Variants in DLAT observed in about 807,000 individuals in gnomAD.
DLAT encodes the protein dihydrolipoamide S-acetyltransferase, also known as dihydrolipoyllysine-residue acetyltransferase component of pyruvate dehydrogenase complex, mitochondrial.
A neutral mutation model predicts 68.0 loss-of-function variants in DLAT; 43 were observed. The observed-to-expected ratio is 0.63, with a 90% CI of 0.50 to 0.81. The LOEUF (loss-of-function observed/expected upper bound fraction) is 0.81. DLAT is among the 40% of genes least tolerant of loss of function. DLAT has a pLI of 0.00. For synonymous variants in DLAT, 265 were observed against 288.6 expected (o/e 0.92, Z 0.83); for missense variants, 745 against 815.4 (o/e 0.91, Z 1.05).
In DLAT at chr11:112,064,150, CA is replaced by C; in HGVS notation, c.*1618del. On this transcript the variant is annotated 3_prime_UTR_variant, in exon 14 of 14. Coordinates refer to ENST00000280346, the MANE Select transcript of DLAT (RefSeq NM_001931.5). ...ACAAGGGACCATCATCAATATGATC[CA>C]AATCTGGTTCAAACATTCAAAACTT... The C allele has an allele frequency of 6.5e-7, 1 of 1,547,982 alleles. No individual in the cohort carries two copies. Among genetic ancestry groups the C allele is most frequent in the Non-Finnish European group, 8.7e-7 (1 of 1,145,010 alleles).
intron 5 of DLAT, among the ~76,000 whole-genome samples, chr11:112,035,502 T>G (rs1196767338): frequency 3.3e-5 from 5 of 151,426 alleles, no homozygotes; most frequent in Non-Finnish European, 7.4e-5. Flanking sequence ...TTTTTTTTTT[T>G]TTTGGAAACA....
At chr11:112,036,208 T>G (rs1295745946) in intron 5 of DLAT, among the ~76,000 whole-genome samples, 87 of 49,210 alleles carry the variant, frequency 1.8e-3, no homozygotes, top group African/African-American at 4.3e-3. Flanking sequence ...TGTGTTTTTT[T>G]TTTTTTTTTT....
chr11:112,042,768 C>T (rs868988657), intron 7 of DLAT, among the ~76,000 whole-genome samples: 19 of 152,322 alleles, frequency 1.2e-4, no homozygotes, highest in South Asian at 8.3e-4. Flanking sequence ...GATCCTTCCT[C>T]ATGTGTGACA....
At chr11:112,027,594 C>T (rs1359297670) in intron 2 of DLAT, among the ~76,000 whole-genome samples, 5 of 152,156 alleles carry the variant, frequency 3.3e-5, no homozygotes, top group Admixed American at 6.5e-5. Context: ...CGCCACTGCA[C>T]TCCAGCCTGG....
intron 11 of DLAT, among the ~76,000 whole-genome samples, chr11:112,055,847 ACTTTTTTTTTTT>A (rs1250737394): frequency 1.6e-4 from 8 of 49,694 alleles, no homozygotes; most frequent in African/African-American, 5.6e-4. Context: ...GCATATAGAC[ACTTTTTTTTTTT>A]TTTTTTTTTT....
At chr11:112,062,318 A>G (rs1398579241) in intron 13 of DLAT, 88 bp from the exon 14 acceptor site, 1 of 1,410,294 alleles carries the variant, frequency 7.1e-7, no homozygotes, top group African/African-American at 1.4e-5. Flanking sequence ...GGTTGGGATT[A>G]TAGGGTAGGA....
In DLAT at chr11:112,030,053, T is replaced by G. The variant is rs1274804699; in HGVS notation, c.660+1108T>G. ...TTGCCGTGGAAAGCAGGCCTGGAGC[T>G]GAGTGTCTAAGTTTAAAATTTTCGT... On this transcript the variant is annotated intron_variant, in intron 4 of 13. Coordinates refer to ENST00000280346, the MANE Select transcript of DLAT (RefSeq NM_001931.5). 6.2e-6 allele frequency: 6 copies of G among 961,720 alleles called. No individual in the cohort carries two copies. In the African/African-American group the frequency reaches 9.8e-5, roughly 16 times the overall value. The allele number at this position is 961,720 out of a possible 1,614,324, so 59.6% of individuals were successfully genotyped here. A position where few individuals can be genotyped will look rare whatever the true frequency, so the allele number is the denominator to read the frequency against.
At chr11:112,043,427 G>A in intron 7 of DLAT, 39 bp from the exon 8 acceptor site, 2 of 1,577,866 alleles carry the variant, frequency 1.3e-6, no homozygotes, top group Non-Finnish European at 1.7e-6. Flanking sequence ...GGGAACCAAT[G>A]GTATGTCATC....
chr11:112,045,321 C>CT, intron 9 of DLAT, 91 bp downstream of exon 9: 1 of 1,081,150 alleles, frequency 9.2e-7, no homozygotes, highest in Non-Finnish European at 1.4e-6. Context: ...TTAACAGAGG[C>CT]TTTTTAAGTT....
chr11:112,044,080 C>T (rs1238584964), intron 8 of DLAT, among the ~76,000 whole-genome samples: 1 of 152,180 alleles, frequency 6.6e-6, no homozygotes, highest in Non-Finnish European at 1.5e-5. Flanking sequence ...ATGTATTCCA[C>T]ATTATGTTTT....
At chr11:112,043,356 A>G in intron 7 of DLAT, 110 bp from the exon 8 acceptor site, 1 of 991,344 alleles carries the variant, frequency 1.0e-6, no homozygotes, top group South Asian at 1.3e-5. Context: ...ACCTTTCAGA[A>G]TGTTTTTGGT....
At chr11:112,030,108 A>C in intron 4 of DLAT, 2 of 773,250 alleles carry the variant, frequency 2.6e-6, no homozygotes, top group Admixed American at 3.6e-5. Flanking sequence ...AATACTGGCG[A>C]CTCCAGTACC....
chr11:112,059,050 G>GT (rs1379861866), intron 11 of DLAT, among the ~76,000 whole-genome samples: 1 of 148,402 alleles, frequency 6.7e-6, no homozygotes, highest in East Asian at 2.0e-4. Context: ...CTGATATTGT[G>GT]TAAAAAAAAA....
At chr11:112,030,230 G>C in intron 4 of DLAT, 1 of 582,314 alleles carries the variant, frequency 1.7e-6, no homozygotes, top group South Asian at 1.4e-5. Flanking sequence ...CTCTAGTGCA[G>C]AACTACCCAA....
At chr11:112,054,189 G>T (rs1208292374) in intron 11 of DLAT, among the ~76,000 whole-genome samples, 1 of 151,964 alleles carries the variant, frequency 6.6e-6, no homozygotes, top group Middle Eastern at 3.4e-3. Context: ...GGTGGTGCGC[G>T]CCTGTAGTCC....
chr11:112,050,119 TGA>T, intron 10 of DLAT, among the ~76,000 whole-genome samples: 1 of 152,214 alleles, frequency 6.6e-6, no homozygotes, highest in East Asian at 1.9e-4. Context: ...CTGTGTCTGT[TGA>T]GATGATTATG....
chr11:112,036,183 G>GTT (rs1555180442), intron 5 of DLAT, among the ~76,000 whole-genome samples: 6 of 70,588 alleles, frequency 8.5e-5, no homozygotes, highest in African/African-American at 3.0e-4. Flanking sequence ...GTGTGTGTGT[G>GTT]TGTGTGTGTG....
intron 6 of DLAT, among the ~76,000 whole-genome samples, chr11:112,038,855 G>GA (rs113199747): frequency 4.3e-4 from 53 of 123,328 alleles, no homozygotes; most frequent in Non-Finnish European, 4.5e-4. Flanking sequence ...CAAATAAAAA[G>GA]AAAAAAAAAA....
At chr11:112,029,821 A>C in intron 4 of DLAT, 1 of 577,122 alleles carries the variant, frequency 1.7e-6, no homozygotes, top group Non-Finnish European at 3.4e-6. Flanking sequence ...GGCCTAATTC[A>C]GTCTTGGTCT....
Sources: gnomAD v4.1 joint callset for allele counts (sites outside exome capture counted in the v4.1 genomes callset) on GRCh38, gnomAD v4.1.1 for gene constraint, MANE v1.5 for transcripts, NCBI Gene and HGNC (gene_info 2026-07-23, HGNC 2026-07-21) for gene names.